The following ABCA9 variants were observed in gnomAD, a reference collection of about 807,000 sequenced individuals.
ABCA9 encodes ATP-binding cassette sub-family A member 9.
ABCA9 carries 183 observed loss-of-function variants against 205.3 expected under a neutral mutation model. The observed-to-expected ratio is 0.89, with a 90% CI of 0.79 to 1.01. ABCA9 has a LOEUF of 1.01. Among genes scored for constraint, ABCA9 ranks in the 50% least tolerant of loss-of-function variants. The probability of loss-of-function intolerance (pLI) is 0.00; values close to 1 mark genes in which losing one functional copy is unlikely to be tolerated. For missense variants in ABCA9, 1,805 were observed against 1,912.4 expected (o/e 0.94, Z 1.05); for synonymous variants, 651 against 683.3 (o/e 0.95, Z 0.74).
chr17:69,025,581 C>T (rs547530852), intron 16 of ABCA9, among the ~76,000 whole-genome samples: 4 of 151,826 alleles, frequency 2.6e-5, no homozygotes, highest in Non-Finnish European at 5.9e-5. Context: ...AGATTTGTAA[C>T]AAGTAGTAAT....
intron 26 of ABCA9, among the ~76,000 whole-genome samples, chr17:68,993,589 A>C (rs1221181760): frequency 1.3e-5 from 2 of 152,192 alleles, no homozygotes; most frequent in African/African-American, 4.8e-5. Flanking sequence ...CATTTTTCCA[A>C]CATTCCCCAC....
At position 69,033,772 on chromosome 17, in the gene ABCA9, G is replaced by A. The variant is rs780997168; in HGVS notation, c.1230C>T (p.Thr410=). ...ATAATGTCAATACCAAATACAGAAGGGTGTCAAAAACCAACATGAAAAGAG... is the reference window on the plus strand; with the variant it reads ...ATAATGTCAATACCAAATACAGAAGAGTGTCAAAAACCAACATGAAAAGAG... The part of the protein sequence containing the change: ...IATLFMLVFD[T]LLYLVLTLYF... The change falls in exon 9 of 39, where the codon ACC becomes ACT. Residue 410 remains threonine, a synonymous_variant. Coordinates refer to ENST00000340001, the MANE Select transcript of ABCA9 (RefSeq NM_080283.4). The A allele has an allele frequency of 1.2e-6, 2 of 1,612,112 alleles. No individual in the cohort carries two copies. The highest frequency in any genetic ancestry group is 1.7e-6 in the Non-Finnish European group (2 of 1,178,904).
chr17:69,008,391 C>T (rs551991075), intron 23 of ABCA9, among the ~76,000 whole-genome samples, 156 bp from the exon 24 acceptor site: 54 of 152,330 alleles, frequency 3.5e-4, no homozygotes, highest in African/African-American at 1.3e-3. Flanking sequence ...CACCCTTGTT[C>T]AGAGGCATTG....
At chr17:69,012,316 A>G (rs2070408897) in intron 22 of ABCA9, 2 of 447,024 alleles carry the variant, frequency 4.5e-6, no homozygotes, top group Admixed American at 8.1e-5. Context: ...ACCAAGTGAT[A>G]CGAATTGTCT....
In ABCA9 at chr17:69,060,858, T is replaced by A. The variant is rs1038253104; in HGVS notation, c.-14+8A>T. 7 of 985,238 alleles carry A rather than the reference T, an allele frequency of 7.1e-6. No homozygotes were observed. The African/African-American group carries it at 1.2e-4, about 17-fold the overall frequency. 61.0% of individuals were successfully genotyped at this position (985,238 alleles called of 1,614,324 possible). ...GCAAAATAACCACAATTTTAGAGGT[T>A]AACTTACTCTCAGGAAAGCTGGAGG... On this transcript the variant is annotated splice_region_variant and intron_variant, in intron 1 of 38. Transcript: ENST00000340001.
intron 25 of ABCA9, among the ~76,000 whole-genome samples, chr17:69,003,582 G>A (rs1390652801): frequency 7.0e-6 from 1 of 142,508 alleles, no homozygotes; most frequent in Non-Finnish European, 1.5e-5. Context: ...TGGTGAATCT[G>A]ACAATTATGT....
intron 4 of ABCA9, 86 bp from the exon 5 acceptor site, chr17:69,044,686 A>G (rs2071653497): frequency 1.6e-6 from 2 of 1,221,014 alleles, no homozygotes; most frequent in Admixed American, 2.1e-5. Context: ...TTCAAAATGC[A>G]AAGTCCATGA....
the ABCA9 span, among the ~76,000 whole-genome samples, chr17:69,066,580 G>GT: frequency 6.6e-6 from 1 of 151,628 alleles, no homozygotes. Flanking sequence ...GAGGGGCTGC[G>GT]TAAGACGGTA....
intron 25 of ABCA9, chr17:69,004,941 G>T (rs1381630051): frequency 6.5e-6 from 1 of 153,698 alleles, no homozygotes; most frequent in Non-Finnish European, 1.4e-5. Flanking sequence ...CTGACCCCTT[G>T]CGCTTCCCGA....
chr17:69,004,942 C>T (rs112131813), intron 25 of ABCA9: 7,071 of 153,686 alleles, frequency 0.046, 367 homozygotes, highest in African/African-American at 0.13. Flanking sequence ...TGACCCCTTG[C>T]GCTTCCCGAG....
At chr17:69,046,351 A>G (rs1373089109) in intron 3 of ABCA9, among the ~76,000 whole-genome samples, 3 of 152,154 alleles carry the variant, frequency 2.0e-5, no homozygotes, top group African/African-American at 4.8e-5. Flanking sequence ...ATTTCCTACA[A>G]TCCAGCAGCT....
At position 69,060,912 on chromosome 17, in the gene ABCA9, G is replaced by C. The variant is rs1401702211; in HGVS notation, c.-60C>G. The C allele has an allele frequency of 3.0e-6, 3 of 985,332 alleles. 1 individual carries two copies. The highest frequency in any genetic ancestry group is 3.6e-6 in the Non-Finnish European group (3 of 829,904). 61.0% of individuals were successfully genotyped at this position (985,332 alleles called of 1,614,324 possible). A position where few individuals can be genotyped will look rare whatever the true frequency, so the allele number is the denominator to read the frequency against. ...AATCTAGAAACACAGTTCATCCATGGGTCTCTGCATGTTCTGGAGGAGAAT... is the reference window on the plus strand; with the variant it reads ...AATCTAGAAACACAGTTCATCCATGCGTCTCTGCATGTTCTGGAGGAGAAT... On this transcript the variant is annotated 5_prime_UTR_variant, in exon 1 of 39. Coordinates refer to ENST00000340001, the MANE Select transcript of ABCA9 (RefSeq NM_080283.4).
At chr17:69,074,784 T>C in the ABCA9 span, among the ~76,000 whole-genome samples, 3 of 152,208 alleles carry the variant, frequency 2.0e-5, no homozygotes, top group African/African-American at 2.4e-5. Context: ...CATTTTCCTT[T>C]GGTTATATAC....
In ABCA9 at chr17:69,045,189, T is replaced by C. The variant is rs761112317; in HGVS notation, c.452A>G (p.Glu151Gly). Residue 151 changes from glutamate to glycine, a missense_variant, in exon 4 of 39, where the codon GAG becomes GGG. Glu to Gly is a moderately conservative substitution (Grantham distance 98). Transcript: ENST00000340001. ...SWGHRIPMMK[E>G]HRDHSAHCQA... ...AAAGTTACCTGAATGGTCTCTGTGC[T>C]CTTTCATCATGGGGATTCTATGTCC... is the stretch of plus-strand genomic sequence containing the variant. 30 of 1,612,878 alleles carry C rather than the reference T, an allele frequency of 1.9e-5. No homozygotes were observed. The highest frequency in any genetic ancestry group is 2.7e-5 in the African/African-American group (2 of 74,782).
Position 69,030,485 on chromosome 17 carries a change from G to A in ABCA9, c.1446-1258C>T, listed in dbSNP as rs146971818. Reference sequence around the variant, plus strand: ...ATCTTCAAATACCATCATTTTAAGGGTTAGGGTTTCAACATATAAATTTTG... The same window carrying A: ...ATCTTCAAATACCATCATTTTAAGGATTAGGGTTTCAACATATAAATTTTG... On this transcript the variant is annotated intron_variant, in intron 10 of 38. Transcript: ENST00000340001. Among the ~76,000 whole-genome samples, 164 of 152,280 alleles carry A rather than the reference G, an allele frequency of 1.1e-3. 1 individual carries two copies. Among genetic ancestry groups the A allele is most frequent in the Admixed American group, 3.7e-3 (56 of 15,282 alleles).
chr17:69,059,648 T>C (rs2072171356), intron 1 of ABCA9, among the ~76,000 whole-genome samples: 1 of 146,820 alleles, frequency 6.8e-6, no homozygotes, highest in African/African-American at 2.6e-5. Flanking sequence ...TGTTTTGTTC[T>C]AAACCATTAA....
chr17:68,974,499 TG>T lies in ABCA9; in HGVS notation c.*1415del, dbSNP rs1230181974. 6.6e-6 allele frequency: 1 copy of T among 152,210 alleles called. No homozygotes were observed. The highest frequency in any genetic ancestry group is 2.4e-5 in the African/African-American group (1 of 41,442). 9.4% of individuals were successfully genotyped at this position (152,210 alleles called of 1,614,324 possible). ...TCAGACGAATATTCTTACGGGTTGA[TG>T]GAAGTGTTTTATTTTCAAAAACTAG... On this transcript the variant is annotated 3_prime_UTR_variant, in exon 39 of 39. Transcript: ENST00000340001.
chr17:68,988,709 T>C (rs975997542), intron 31 of ABCA9, among the ~76,000 whole-genome samples: 1 of 152,222 alleles, frequency 6.6e-6, no homozygotes, highest in African/African-American at 2.4e-5. Flanking sequence ...TCTGGTGTCA[T>C]GCTGGGTGAG....
chr17:69,035,644 A>T lies in ABCA9; in HGVS notation c.942+16T>A, dbSNP rs748709045. The T allele has an allele frequency of 6.2e-7, 1 of 1,612,092 alleles. No individual in the cohort carries two copies. The highest frequency in any genetic ancestry group is 8.5e-7 in the Non-Finnish European group (1 of 1,179,248). On this transcript the variant is annotated intron_variant, in intron 7 of 38. Coordinates refer to ENST00000340001, the MANE Select transcript of ABCA9 (RefSeq NM_080283.4). ...AGAAAGAGAATAAAAGACTTAGATG[A>T]AATTAACCAACTCACCAAAGACAGG...
Sources: allele counts gnomAD v4.1 joint callset (sites outside exome capture counted in the v4.1 genomes callset), GRCh38; gene constraint gnomAD v4.1.1; transcripts MANE v1.5; gene names NCBI Gene and HGNC (gene_info 2026-07-23, HGNC 2026-07-21).